Variants in IMMP2L observed in about 807,000 individuals in gnomAD.
IMMP2L encodes the protein inner mitochondrial membrane peptidase subunit 2.
In IMMP2L, 18 loss-of-function variants were observed where a neutral mutation model predicts 19.3. The observed-to-expected ratio is 0.93, with a 90% CI of 0.64 to 1.38. The LOEUF (loss-of-function observed/expected upper bound fraction) is 1.38, where lower values mean the gene tolerates loss of function less well. Among genes scored for constraint, IMMP2L ranks in the 40% most tolerant of loss-of-function variants. The probability of loss-of-function intolerance (pLI) is 0.00; values close to 1 mark genes in which losing one functional copy is unlikely to be tolerated. For synonymous variants in IMMP2L, 76 were observed against 73.0 expected (o/e 1.04, Z -0.21); for missense variants, 233 against 218.2 (o/e 1.07, Z -0.43).
intron 4 of IMMP2L, among the ~76,000 whole-genome samples, chr7:110,929,181 A>G (rs529222254): frequency 6.6e-5 from 10 of 152,256 alleles, no homozygotes; most frequent in African/African-American, 2.4e-4. Context: ...TTTGCAAGCT[A>G]TTTGTTTACT....
chr7:110,679,559 C>T (rs1481547237), intron 5 of IMMP2L, among the ~76,000 whole-genome samples: 2 of 152,138 alleles, frequency 1.3e-5, no homozygotes, highest in Non-Finnish European at 2.9e-5. Flanking sequence ...GGGCAGGCAG[C>T]CACCGAGACA....
chr7:110,713,724 G>T (rs931083913), intron 5 of IMMP2L, among the ~76,000 whole-genome samples: 6 of 150,388 alleles, frequency 4.0e-5, no homozygotes, highest in African/African-American at 1.5e-4. Flanking sequence ...TTGTGTTCTT[G>T]CTTGGGCCCT....
intron 3 of IMMP2L, among the ~76,000 whole-genome samples, chr7:111,346,886 A>C (rs1361689524): frequency 6.6e-6 from 1 of 152,174 alleles, no homozygotes; most frequent in Non-Finnish European, 1.5e-5. Flanking sequence ...GAATGAAGCT[A>C]TACTTTGGTT....
At chr7:110,866,309 GTAGT>G (rs535039993) in intron 5 of IMMP2L, among the ~76,000 whole-genome samples, 14 of 152,062 alleles carry the variant, frequency 9.2e-5, no homozygotes, top group Non-Finnish European at 1.9e-4. Flanking sequence ...ATAAAATCTG[GTAGT>G]TGGTTGTGGA....
intron 3 of IMMP2L, among the ~76,000 whole-genome samples, chr7:111,220,500 G>A (rs1812393193): frequency 6.6e-6 from 1 of 151,860 alleles, no homozygotes; most frequent in Admixed American, 6.6e-5. Flanking sequence ...TTAAATGCAA[G>A]AAAAATAATT....
At chr7:110,816,327 G>A (rs1039520337) in intron 5 of IMMP2L, among the ~76,000 whole-genome samples, 1 of 152,120 alleles carries the variant, frequency 6.6e-6, no homozygotes, top group African/African-American at 2.4e-5. Context: ...TGTGGTCTGA[G>A]AGACAGTTTG....
chr7:111,046,722 T>C (rs1384337792), intron 3 of IMMP2L, among the ~76,000 whole-genome samples: 1 of 152,156 alleles, frequency 6.6e-6, no homozygotes, highest in African/African-American at 2.4e-5. Flanking sequence ...ATAATGAAAT[T>C]ATGTCCATAT....
chr7:111,101,589 T>C (rs532253740), intron 3 of IMMP2L, among the ~76,000 whole-genome samples: 1 of 151,466 alleles, frequency 6.6e-6, no homozygotes, highest in Non-Finnish European at 1.5e-5. Context: ...TAATACAGAA[T>C]ATACATAGGT....
chr7:111,307,339 A>G (rs1337899714), intron 3 of IMMP2L, among the ~76,000 whole-genome samples: 1 of 151,760 alleles, frequency 6.6e-6, no homozygotes, highest in African/African-American at 2.4e-5. Context: ...AGTATTTACC[A>G]ATACTGTCGA....
At chr7:110,705,374 CT>C (rs1408835583) in intron 5 of IMMP2L, among the ~76,000 whole-genome samples, 2 of 152,112 alleles carry the variant, frequency 1.3e-5, no homozygotes, top group African/African-American at 4.8e-5. Context: ...CTGCATAGCA[CT>C]TTCCTTATTT....
At chr7:111,463,806 T>C (rs73426223) in intron 3 of IMMP2L, among the ~76,000 whole-genome samples, 14,336 of 152,232 alleles carry the variant, frequency 0.094, 861 homozygotes, top group African/African-American at 0.16. Context: ...ATTGTCCCCA[T>C]TGAATGTACC....
At chr7:110,989,289 C>T (rs1021753300) in intron 3 of IMMP2L, among the ~76,000 whole-genome samples, 2 of 151,812 alleles carry the variant, frequency 1.3e-5, no homozygotes, top group African/African-American at 2.4e-5. Context: ...ATAATCTCAA[C>T]ATTTTAGGAG....
chr7:110,886,602 A>G lies in IMMP2L; in HGVS notation c.399T>C (p.Ser133=). The G allele has an allele frequency of 1.3e-6, 2 of 1,589,524 alleles. No individual in the cohort carries two copies. Among genetic ancestry groups the G allele is most frequent in the South Asian group, 2.2e-5 (2 of 90,484 alleles). The change falls in exon 5 of 6, where the codon TCT becomes TCC. Residue 133 remains serine, a synonymous_variant. Transcript: ENST00000405709. Reference sequence around the variant, plus strand: ...ATAAAAGATGACTTACCGGCCCAAAAGAATTACTGTCAAAACTGTGTCCAT... The same window carrying G: ...ATAAAAGATGACTTACCGGCCCAAAGGAATTACTGTCAAAACTGTGTCCAT... ...DHHGHSFDSN[S]FGPVSLGLLH...
intron 3 of IMMP2L, among the ~76,000 whole-genome samples, chr7:111,323,760 G>C (rs184470411): frequency 2.5e-4 from 38 of 152,218 alleles, no homozygotes; most frequent in African/African-American, 8.7e-4. Flanking sequence ...AACAATGATA[G>C]ACTGGATAAA....
At chr7:111,131,083 C>A (rs1442906808) in intron 3 of IMMP2L, among the ~76,000 whole-genome samples, 1 of 151,544 alleles carries the variant, frequency 6.6e-6, no homozygotes, top group African/African-American at 2.4e-5. Context: ...CAATTCAAAC[C>A]TTTGAGTGTA....
In IMMP2L at chr7:111,309,744, G is replaced by A. The variant is rs189150493; in HGVS notation, c.239+177494C>T. Among the ~76,000 whole-genome samples, 618 of 152,070 alleles carry A rather than the reference G, an allele frequency of 4.1e-3. 2 individuals carry two copies. Among genetic ancestry groups the A allele is most frequent in the Middle Eastern group, 0.017 (5 of 294 alleles). ...AGTAGTATTTGTTGTACTTGTGACC[G>A]ACAGAAATAATATATATTTTGAAAT... is the stretch of plus-strand genomic sequence containing the variant. On this transcript the variant is annotated intron_variant, in intron 3 of 5. Transcript: ENST00000405709.
intron 3 of IMMP2L, among the ~76,000 whole-genome samples, chr7:111,089,448 C>A (rs1025483063): frequency 3.9e-5 from 6 of 151,980 alleles, no homozygotes; most frequent in Non-Finnish European, 1.5e-5. Flanking sequence ...TAAGATTATT[C>A]TTCCATATGT....
At chr7:111,227,670 A>T (rs1695857821) in intron 3 of IMMP2L, among the ~76,000 whole-genome samples, 1 of 152,194 alleles carries the variant, frequency 6.6e-6, no homozygotes, top group African/African-American at 2.4e-5. Context: ...TAAGCCAGAA[A>T]TAAACCACTC....
intron 3 of IMMP2L, among the ~76,000 whole-genome samples, chr7:111,434,152 C>G (rs1382177916): frequency 6.6e-6 from 1 of 151,768 alleles, no homozygotes; most frequent in African/African-American, 2.4e-5. Context: ...ATATAACTAA[C>G]TAATCTTCAA....
Sources: allele counts gnomAD v4.1 joint callset (sites outside exome capture counted in the v4.1 genomes callset), GRCh38; gene constraint gnomAD v4.1.1; transcripts MANE v1.5; gene names NCBI Gene and HGNC (gene_info 2026-07-23, HGNC 2026-07-21).